Variants in AAR2 observed in about 807,000 individuals in gnomAD.
The protein encoded by AAR2 is protein AAR2 homolog.
AAR2 carries 31 observed loss-of-function variants against 26.9 expected under a neutral mutation model. The observed-to-expected ratio is 1.15, with a 90% CI of 0.86 to 1.55. AAR2 has a LOEUF of 1.55. Among genes scored for constraint, AAR2 ranks in the 40% most tolerant of loss-of-function variants. The pLI, the probability that AAR2 is intolerant of heterozygous loss-of-function variation, is 0.00. For missense variants in AAR2, 430 were observed against 491.3 expected, an observed-to-expected ratio of 0.88 and a Z score of 1.18; for synonymous variants, 188 against 196.1, an observed-to-expected ratio of 0.96 and a Z score of 0.34.
intron 3 of AAR2, among the ~76,000 whole-genome samples, chr20:36,254,012 G>A (rs760428313): frequency 6.6e-6 from 1 of 152,124 alleles, no homozygotes; most frequent in Non-Finnish European, 1.5e-5. Context: ...AAAATGGTAC[G>A]GCCCCTGTGA....
At chr20:36,237,750 G>GTATTATTATTATTAT (rs71184090) in intron 1 of AAR2, among the ~76,000 whole-genome samples, 10 of 139,050 alleles carry the variant, frequency 7.2e-5, no homozygotes, top group East Asian at 2.1e-4. Flanking sequence ...AAGATGATAC[G>GTATTATTATTATTAT]TATTATTATT....
chr20:36,242,464 C>T (rs2064693248), intron 2 of AAR2, among the ~76,000 whole-genome samples: 1 of 151,976 alleles, frequency 6.6e-6, no homozygotes, highest in African/African-American at 2.4e-5. Flanking sequence ...GAGTTCGGCT[C>T]ACTGCAAGCT....
intron 2 of AAR2, among the ~76,000 whole-genome samples, chr20:36,242,448 T>C (rs1034752403): frequency 2.0e-5 from 3 of 152,128 alleles, no homozygotes; most frequent in Non-Finnish European, 4.4e-5. Context: ...TGGAGTGCAG[T>C]GGTGTGAGTT....
At position 36,244,660 on chromosome 20, in the gene AAR2, C is replaced by CT. The variant is rs1356864936; in HGVS notation, c.758-36dup. ...ATGGAGAGTGTCAGCTGGTCCTCCT[C>CT]TCCCTCAGAATCACTTCTCCTCTCT... On this transcript the variant is annotated intron_variant, in intron 2 of 3. Coordinates refer to ENST00000320849, the MANE Select transcript of AAR2 (RefSeq NM_001271874.2). 1.9e-6 allele frequency: 3 copies of CT among 1,598,562 alleles called. No homozygotes were observed. In the East Asian group the frequency reaches 6.7e-5, roughly 36 times the overall value.
chr20:36,248,296 C>G (rs557164294), intron 3 of AAR2, among the ~76,000 whole-genome samples: 1 of 151,754 alleles, frequency 6.6e-6, no homozygotes. Context: ...TCCTTTTACA[C>G]GAGGCCTATT....
chr20:36,242,819 T>G (rs971589422), intron 2 of AAR2, among the ~76,000 whole-genome samples: 4 of 152,034 alleles, frequency 2.6e-5, no homozygotes, highest in African/African-American at 9.7e-5. Context: ...AAAATATATC[T>G]TGCGAAAAGG....
intron 3 of AAR2, among the ~76,000 whole-genome samples, chr20:36,245,229 T>C (rs1182879983): frequency 6.6e-6 from 1 of 152,210 alleles, no homozygotes; most frequent in East Asian, 1.9e-4. Flanking sequence ...TCTTTCTCCC[T>C]GTAGCCATGA....
chr20:36,244,953 T>C, intron 3 of AAR2, 27 bp downstream of exon 3: 1 of 1,578,994 alleles, frequency 6.3e-7, no homozygotes, highest in Non-Finnish European at 8.7e-7. Context: ...ACTGAGCTGA[T>C]GCACATGTGG....
intron 3 of AAR2, among the ~76,000 whole-genome samples, chr20:36,252,675 C>T (rs570067649): frequency 1.1e-4 from 17 of 152,146 alleles, no homozygotes; most frequent in Non-Finnish European, 2.5e-4. Context: ...CATGTTTGGG[C>T]AGCTGCTCAG....
At chr20:36,253,858 C>G (rs1054686743) in intron 3 of AAR2, among the ~76,000 whole-genome samples, 36 of 152,184 alleles carry the variant, frequency 2.4e-4, no homozygotes, top group African/African-American at 8.4e-4. Flanking sequence ...ATCCACTGAT[C>G]ATTAGGGAAA....
At chr20:36,243,826 C>T (rs979369363) in intron 2 of AAR2, among the ~76,000 whole-genome samples, 3 of 152,166 alleles carry the variant, frequency 2.0e-5, no homozygotes, top group Non-Finnish European at 4.4e-5. Flanking sequence ...GAGTAACTTG[C>T]CCAAGGTCAC....
At chr20:36,245,202 C>G (rs1306347401) in intron 3 of AAR2, among the ~76,000 whole-genome samples, 1 of 152,164 alleles carries the variant, frequency 6.6e-6, no homozygotes, top group East Asian at 1.9e-4. Flanking sequence ...TTGGTTTACT[C>G]AGCTTAAAAC....
intron 2 of AAR2, among the ~76,000 whole-genome samples, chr20:36,242,852 TG>T (rs1287231566): frequency 3.4e-5 from 5 of 148,444 alleles, no homozygotes; most frequent in African/African-American, 7.6e-5. Flanking sequence ...ATAACTTTGT[TG>T]GTTTTTTTTT....
At chr20:36,248,340 T>C (rs543928744) in intron 3 of AAR2, among the ~76,000 whole-genome samples, 24 of 150,464 alleles carry the variant, frequency 1.6e-4, no homozygotes, top group South Asian at 8.4e-4. Context: ...TCTTCTTCTT[T>C]TTTTTTTTTT....
intron 3 of AAR2, among the ~76,000 whole-genome samples, chr20:36,254,493 T>C (rs1160990802): frequency 6.7e-6 from 1 of 148,764 alleles, no homozygotes; most frequent in African/African-American, 2.6e-5. Flanking sequence ...GAAAGTAGAA[T>C]GTGGGTTGCC....
Position 36,244,875 on chromosome 20 carries a change from C to A in AAR2, c.936C>A (p.Asp312Glu). Residue 312 changes from aspartate (D) to glutamate (E), a missense_variant, in exon 3 of 4, where the codon GAC (aspartate) becomes GAA (glutamate). Transcript: ENST00000320849. Reference protein sequence around the residue: ...LYHQLGEIPADFFVDIVSQDN... With the variant: ...LYHQLGEIPAEFFVDIVSQDN... ...ACCAGCTTGGTGAGATCCCCGCTGA[C>A]TTCTTCGTAGACATTGTCTCCCAAG... 6.2e-7 allele frequency: 1 copy of A among 1,614,244 alleles called. No homozygotes were observed. Among genetic ancestry groups the A allele is most frequent in the South Asian group, 1.1e-5 (1 of 91,090 alleles).
rs35221435 is a variant in AAR2, at chr20:36,256,423, A to G, written c.*678A>G. The G allele has an allele frequency of 0.1, 15,190 of 152,304 alleles. 2,520 individuals carry two copies. The highest frequency in any genetic ancestry group is 0.34 in the African/African-American group (14,286 of 41,494). The allele number at this position is 152,304 out of a possible 1,614,324, so 9.4% of individuals were successfully genotyped here. A position where few individuals can be genotyped will look rare whatever the true frequency, so the allele number is the denominator to read the frequency against. ...AGGTGGGTGTGGACCCTGGCCTCAG[A>G]GGCCTTGCTGGTGCTGTCACCTCCC... On this transcript the variant is annotated 3_prime_UTR_variant, in exon 4 of 4. Coordinates refer to ENST00000320849, the MANE Select transcript of AAR2 (RefSeq NM_001271874.2).
intron 3 of AAR2, among the ~76,000 whole-genome samples, chr20:36,251,615 C>T (rs145786884): frequency 1.3e-5 from 2 of 152,342 alleles, no homozygotes; most frequent in East Asian, 3.9e-4. Flanking sequence ...TGACAGGACT[C>T]TGCTCAGCAT....
At chr20:36,244,038 C>A (rs1003357366) in intron 2 of AAR2, among the ~76,000 whole-genome samples, 1 of 152,240 alleles carries the variant, frequency 6.6e-6, no homozygotes, top group African/African-American at 2.4e-5. Flanking sequence ...ACTGTTCCCA[C>A]CCAATGGAGA....
Sources: gnomAD v4.1 joint callset for allele counts (sites outside exome capture counted in the v4.1 genomes callset) on GRCh38, gnomAD v4.1.1 for gene constraint, MANE v1.5 for transcripts, NCBI Gene and HGNC (gene_info 2026-07-23, HGNC 2026-07-21) for gene names.